COL24A1: variants seen among roughly 807,000 people sequenced by gnomAD.
COL24A1 encodes the protein collagen alpha-1(XXIV) chain.
Under a neutral mutation model 253.9 loss-of-function variants are expected in COL24A1, and 224 were observed. That is an observed-to-expected ratio of 0.88 (90% CI 0.79 to 0.99). The LOEUF (loss-of-function observed/expected upper bound fraction) is 0.99. Among genes scored for constraint, COL24A1 ranks in the 50% least tolerant of loss-of-function variants. COL24A1 has a pLI of 0.00. For synonymous variants in COL24A1, 685 were observed against 673.7 expected (o/e 1.02, Z -0.26); for missense variants, 2,131 against 2,068.5 (o/e 1.03, Z -0.59).
In COL24A1 at chr1:85,977,743, A is replaced by C. The variant is rs574951052; in HGVS notation, c.2365-6350T>G. On this transcript the variant is annotated intron_variant, in intron 20 of 59. Coordinates refer to ENST00000370571, the MANE Select transcript of COL24A1 (RefSeq NM_152890.7). Reference sequence around the variant, plus strand: ...ATTTTAGGATGGTGTTAAATGGCCAAACCTAAGAATAATTGGTGTTCCTGA... The same window carrying C: ...ATTTTAGGATGGTGTTAAATGGCCACACCTAAGAATAATTGGTGTTCCTGA... Among the ~76,000 whole-genome samples the C allele has an allele frequency of 3.5e-4, 54 of 152,338 alleles. No homozygotes were observed. In the South Asian group the frequency reaches 0.011, roughly 31 times the overall value.
chr1:85,885,013 C>G (rs1037037394), intron 32 of COL24A1, among the ~76,000 whole-genome samples: 2 of 152,070 alleles, frequency 1.3e-5, no homozygotes, highest in African/African-American at 2.4e-5. Context: ...TCCCTACTGT[C>G]CCGGTGTGGG....
intron 48 of COL24A1, among the ~76,000 whole-genome samples, chr1:85,784,630 C>G (rs1355991560): frequency 1.3e-5 from 2 of 151,956 alleles, no homozygotes; most frequent in Non-Finnish European, 2.9e-5. Flanking sequence ...AAGGGGGAAC[C>G]TATAAAACTA....
intron 7 of COL24A1, among the ~76,000 whole-genome samples, chr1:86,083,244 G>A (rs1702800785): frequency 6.6e-6 from 1 of 151,902 alleles, no homozygotes; most frequent in African/African-American, 2.4e-5. Flanking sequence ...CTTGCAGTGA[G>A]CCGAGATTGC....
intron 36 of COL24A1, 36 bp from the exon 37 acceptor site, chr1:85,868,662 A>G (rs1680061586): frequency 6.4e-7 from 1 of 1,556,568 alleles, no homozygotes; most frequent in Non-Finnish European, 8.8e-7. Context: ...ATAAAGGAAT[A>G]CAGTGAAATA....
At chr1:85,736,634 A>C (rs893132850) in intron 58 of COL24A1, 3 of 368,644 alleles carry the variant, frequency 8.1e-6, no homozygotes, top group Non-Finnish European at 1.6e-5. Flanking sequence ...GTTCAATAAG[A>C]AGCAGCTAAA....
At chr1:86,153,566 T>C (rs968104535) in intron 1 of COL24A1, among the ~76,000 whole-genome samples, 1 of 152,262 alleles carries the variant, frequency 6.6e-6, no homozygotes, top group Non-Finnish European at 1.5e-5. Flanking sequence ...ACAGCTATTC[T>C]AATTCCCATA....
intron 19 of COL24A1, among the ~76,000 whole-genome samples, chr1:85,998,822 G>T (rs139403319): frequency 0.012 from 1,794 of 152,312 alleles, 22 homozygotes; most frequent in Middle Eastern, 0.041. Flanking sequence ...TACCGCATAT[G>T]CAAGTATCAT....
intron 2 of COL24A1, among the ~76,000 whole-genome samples, chr1:86,133,500 A>T (rs909634478): frequency 1.1e-4 from 17 of 152,010 alleles, no homozygotes; most frequent in African/African-American, 3.6e-4. Context: ...CATAGATAGC[A>T]CTTATTATTT....
Position 85,951,656 on chromosome 1 carries a change from T to C in COL24A1, c.2562+9593A>G, listed in dbSNP as rs2100583997. ...TTCTTAAAGCCTCTACAGACTCATT[T>C]TCCCCCTTATAATCTACTATGTCCC... On this transcript the variant is annotated intron_variant, in intron 24 of 59. Transcript: ENST00000370571. Among the ~76,000 whole-genome samples, 2 of 152,320 alleles carry C rather than the reference T, an allele frequency of 1.3e-5. 1 individual carries two copies. The highest frequency in any genetic ancestry group is 1.3e-4 in the Admixed American group (2 of 15,302).
At position 85,908,670 on chromosome 1, in the gene COL24A1, AT is replaced by A; in HGVS notation, c.2671-20del. 1 of 1,237,452 alleles carries A rather than the reference AT, an allele frequency of 8.1e-7. No individual in the cohort carries two copies. The highest frequency in any genetic ancestry group is 1.1e-6 in the Non-Finnish European group (1 of 911,418). The allele number at this position is 1,237,452 out of a possible 1,614,324, so 76.7% of individuals were successfully genotyped here. A position where few individuals can be genotyped will look rare whatever the true frequency, so the allele number is the denominator to read the frequency against. On this transcript the variant is annotated intron_variant, in intron 26 of 59. Coordinates refer to ENST00000370571, the MANE Select transcript of COL24A1 (RefSeq NM_152890.7). ...GATATCCCTATAATTTAAGGAAAAT[AT>A]AAAAGAAGTAAAATATTCATGACTT...
chr1:86,038,126 A>C (rs535260505), intron 12 of COL24A1, among the ~76,000 whole-genome samples: 1 of 152,152 alleles, frequency 6.6e-6, no homozygotes, highest in Non-Finnish European at 1.5e-5. Context: ...TGTAAAGACA[A>C]ATTTAATAAT....
chr1:85,832,085 T>C (rs1675364856), intron 43 of COL24A1, among the ~76,000 whole-genome samples: 1 of 151,996 alleles, frequency 6.6e-6, no homozygotes, highest in African/African-American at 2.4e-5. Flanking sequence ...CTTTAATCCA[T>C]CTTGAATTAA....
At chr1:85,876,858 T>C (rs1337727200) in intron 33 of COL24A1, among the ~76,000 whole-genome samples, 1 of 152,206 alleles carries the variant, frequency 6.6e-6, no homozygotes, top group Admixed American at 6.5e-5. Context: ...GGTTATCAAG[T>C]CAACTTTAAA....
At chr1:86,063,877 T>G in intron 7 of COL24A1, 118 bp from the exon 8 acceptor site, 2 of 464,522 alleles carry the variant, frequency 4.3e-6, no homozygotes, top group Non-Finnish European at 7.8e-6. Context: ...CAATACAAAT[T>G]TAATTGTTAC....
chr1:86,017,272 G>T (rs375771033), intron 18 of COL24A1, 68 bp from the exon 19 acceptor site: 20 of 1,315,656 alleles, frequency 1.5e-5, no homozygotes, highest in African/African-American at 6.2e-5. Context: ...GAAGAAACAG[G>T]CATATGGTAA....
At chr1:85,948,386 T>C (rs1291169257) in intron 24 of COL24A1, among the ~76,000 whole-genome samples, 2 of 150,462 alleles carry the variant, frequency 1.3e-5, no homozygotes, top group African/African-American at 2.4e-5. Flanking sequence ...TAGCCGGGCG[T>C]GGTAGCGGGC....
chr1:85,935,576 T>C (rs1688185791), intron 24 of COL24A1, among the ~76,000 whole-genome samples: 1 of 147,686 alleles, frequency 6.8e-6, no homozygotes, highest in East Asian at 2.1e-4. Context: ...CTTCATCCTG[T>C]ACCATTTAGG....
At chr1:85,737,340 T>C in intron 58 of COL24A1, 56 bp downstream of exon 58, 1 of 1,008,748 alleles carries the variant, frequency 9.9e-7, no homozygotes, top group African/African-American at 1.7e-5. Flanking sequence ...TTAAACATAA[T>C]TTTTCACTGA....
rs10631015 is a variant in COL24A1 at position 85,873,828 on chromosome 1, T to TAAAAAAA, written c.3138+814_3138+820dup. Among the ~76,000 whole-genome samples, 6 of 148,480 alleles carry TAAAAAAA rather than the reference T, an allele frequency of 4.0e-5. No homozygotes were observed. In the East Asian group the frequency reaches 1.2e-3, roughly 29 times the overall value. ...CATGTACCCTAGAACTTAAAATACA[T>TAAAAAAA]AAAAAAAAAAGACTAAGGCTCCGGT... On this transcript the variant is annotated intron_variant, in intron 35 of 59. Coordinates refer to ENST00000370571, the MANE Select transcript of COL24A1 (RefSeq NM_152890.7).
Sources: gnomAD v4.1 joint callset for allele counts (sites outside exome capture counted in the v4.1 genomes callset) on GRCh38, gnomAD v4.1.1 for gene constraint, MANE v1.5 for transcripts, NCBI Gene and HGNC (gene_info 2026-07-23, HGNC 2026-07-21) for gene names.